The following FAM3D variants were observed in gnomAD, a reference collection of about 807,000 sequenced individuals.
FAM3D encodes protein FAM3D.
Under a neutral mutation model 29.8 loss-of-function variants are expected in FAM3D, and 26 were observed. The ratio of observed to expected loss-of-function variants is 0.87; its 90% CI spans 0.64 to 1.21. The LOEUF (loss-of-function observed/expected upper bound fraction) is 1.21, where lower values mean the gene tolerates loss of function less well. Among genes scored for constraint, FAM3D ranks in the 50% most tolerant of loss-of-function variants. The pLI is 0.00. For synonymous variants in FAM3D, 115 were observed against 102.3 expected (o/e 1.12, Z -0.75); for missense variants, 253 against 290.9 (o/e 0.87, Z 0.95).
intron 6 of FAM3D, among the ~76,000 whole-genome samples, chr3:58,642,040 G>C (rs938024075): frequency 1.3e-5 from 2 of 152,134 alleles, no homozygotes; most frequent in Admixed American, 6.5e-5. Flanking sequence ...AGTCTTCTGG[G>C]GTCTGGCATG....
intron 3 of FAM3D, among the ~76,000 whole-genome samples, chr3:58,652,189 C>T (rs1220443855): frequency 2.0e-5 from 3 of 152,212 alleles, no homozygotes; most frequent in Non-Finnish European, 2.9e-5. Context: ...CCAAGAGGAA[C>T]TTGGGTGAGT....
intron 3 of FAM3D, 124 bp from the exon 4 acceptor site, chr3:58,649,462 C>T: frequency 8.8e-7 from 1 of 1,130,826 alleles, no homozygotes; most frequent in Non-Finnish European, 1.3e-6. Flanking sequence ...TTGAAATGAA[C>T]TAAAAATGCC....
chr3:58,649,174 G>T, intron 4 of FAM3D, 141 bp downstream of exon 4: 1 of 1,050,530 alleles, frequency 9.5e-7, no homozygotes, highest in East Asian at 2.5e-5. Context: ...GGAGAGGACT[G>T]GGAAGAATCA....
intron 3 of FAM3D, among the ~76,000 whole-genome samples, chr3:58,652,726 C>T (rs1447923494): frequency 6.6e-6 from 1 of 152,104 alleles, no homozygotes; most frequent in East Asian, 1.9e-4. Context: ...CCCACTCATT[C>T]ATTCGCCCAT....
At chr3:58,650,811 G>A (rs1004333215) in intron 3 of FAM3D, among the ~76,000 whole-genome samples, 7 of 152,076 alleles carry the variant, frequency 4.6e-5, no homozygotes, top group Admixed American at 3.9e-4. Flanking sequence ...TCCGCCTCCC[G>A]GGTTCACGCC....
At chr3:58,650,528 C>A (rs1297704907) in intron 3 of FAM3D, among the ~76,000 whole-genome samples, 1 of 152,062 alleles carries the variant, frequency 6.6e-6, no homozygotes, top group Non-Finnish European at 1.5e-5. Context: ...AGGCCCTAAT[C>A]TGTTGAGGTC....
intron 3 of FAM3D, among the ~76,000 whole-genome samples, chr3:58,650,353 C>T (rs1173128873): frequency 1.3e-5 from 2 of 152,154 alleles, no homozygotes; most frequent in African/African-American, 2.4e-5. Context: ...TCTCTGGAGA[C>T]AGAGCCCTTC....
chr3:58,652,494 TTCCC>T (rs1479685625), intron 3 of FAM3D, among the ~76,000 whole-genome samples: 4 of 114,378 alleles, frequency 3.5e-5, no homozygotes, highest in Non-Finnish European at 7.3e-5. Context: ...CCATCCACCC[TTCCC>T]TCCATCTACC....
chr3:58,653,790 C>A lies in FAM3D; in HGVS notation c.14-9G>T, dbSNP rs749230899. 7.5e-5 allele frequency: 120 copies of A among 1,609,842 alleles called. No individual in the cohort carries two copies. The highest frequency in any genetic ancestry group is 3.3e-5 in the Non-Finnish European group (39 of 1,177,320). ...CAGGAGGCGAAGCACACCTGCTGAGCAAGGGGATGCTGCCAGGAGACCACA... is the reference window on the plus strand; with the variant it reads ...CAGGAGGCGAAGCACACCTGCTGAGAAAGGGGATGCTGCCAGGAGACCACA... On this transcript the variant is annotated splice_polypyrimidine_tract_variant and intron_variant, in intron 2 of 9. Transcript: ENST00000358781.
rs962543822 is a variant in FAM3D at position 58,664,709 on chromosome 3, C to T, written c.-39+1867G>A. Among the ~76,000 whole-genome samples the T allele has an allele frequency of 3.9e-5, 6 of 152,364 alleles. No homozygotes were observed. The South Asian group carries it at 1.0e-3, about 26-fold the overall frequency. ...GATTCAAATGCCAAAGGCAGGGTTG[C>T]TCTCCCCACAACCTCTATGTCTTTG... is the stretch of plus-strand genomic sequence containing the variant. On this transcript the variant is annotated intron_variant, in intron 1 of 9. Coordinates refer to ENST00000358781, the MANE Select transcript of FAM3D (RefSeq NM_138805.3).
intron 2 of FAM3D, among the ~76,000 whole-genome samples, chr3:58,654,431 C>G (rs2066731237): frequency 6.6e-6 from 1 of 152,262 alleles, no homozygotes; most frequent in Non-Finnish European, 1.5e-5. Flanking sequence ...GCACACTGGA[C>G]TTGCTGTGCA....
rs988176283 is a variant in FAM3D at position 58,635,464 on chromosome 3, A to T, written c.585+830T>A. Among the ~76,000 whole-genome samples the T allele has an allele frequency of 6.6e-6, 1 of 152,094 alleles. No homozygotes were observed. The highest frequency in any genetic ancestry group is 1.9e-4 in the East Asian group (1 of 5,178). On this transcript the variant is annotated intron_variant, in intron 9 of 9. Transcript: ENST00000358781. The surrounding 1 kb of genome is among the most constrained non-coding windows in gnomAD (Gnocchi z 5.2). ...GCCAGCTGGTTGCAGATGGATGAAG[A>T]TGATGCTGGGCTTCCTGTACTCCCA...
intron 1 of FAM3D, among the ~76,000 whole-genome samples, chr3:58,656,268 C>A (rs557168668): frequency 1.1e-4 from 16 of 152,308 alleles, no homozygotes; most frequent in African/African-American, 3.6e-4. Context: ...ATCCTCACAA[C>A]CCCCATGTTA....
At chr3:58,650,836 A>G (rs12493164) in intron 3 of FAM3D, among the ~76,000 whole-genome samples, 88,600 of 151,826 alleles carry the variant, frequency 0.58, 27,661 homozygotes, top group South Asian at 0.7. Context: ...TCCTGCCTCA[A>G]CCTCCCAAGT....
chr3:58,648,218 C>A (rs1470839350), intron 4 of FAM3D, among the ~76,000 whole-genome samples: 1 of 152,176 alleles, frequency 6.6e-6, no homozygotes, highest in Non-Finnish European at 1.5e-5. Flanking sequence ...CTTCAGGGAG[C>A]TAGGGTTAAG....
In FAM3D at chr3:58,645,519, C is replaced by A; in HGVS notation, c.253G>T (p.Glu85Ter). Residue 85 changes from glutamate to a stop codon, truncating the protein, a stop_gained, in exon 5 of 10, where the codon GAA becomes TAA. Coordinates refer to ENST00000358781, the MANE Select transcript of FAM3D (RefSeq NM_138805.3). LOFTEE classifies it high-confidence loss of function. ...ANVVGPTMCF[E>*]DRMIMSPVKN... ...GTCTTAGGTACTTACATGCGGTCTT[C>A]AAAGCACATAGTAGGGCCCACGACG... is the stretch of plus-strand genomic sequence containing the variant. The A allele has an allele frequency of 6.2e-7, 1 of 1,613,512 alleles. No individual in the cohort carries two copies. Among genetic ancestry groups the A allele is most frequent in the Non-Finnish European group, 8.5e-7 (1 of 1,179,618 alleles).
chr3:58,649,298 G>T lies in FAM3D; in HGVS notation c.145+17C>A. On this transcript the variant is annotated intron_variant, in intron 4 of 9. Coordinates refer to ENST00000358781, the MANE Select transcript of FAM3D (RefSeq NM_138805.3). ...TGGATGAGGTCGGGGGAGGTGTGGGGCTGCACAGATACTCACGGATCTCCT... is the reference window on the plus strand; with the variant it reads ...TGGATGAGGTCGGGGGAGGTGTGGGTCTGCACAGATACTCACGGATCTCCT... 1 of 1,613,310 alleles carries T rather than the reference G, an allele frequency of 6.2e-7. No homozygotes were observed. The highest frequency in any genetic ancestry group is 8.5e-7 in the Non-Finnish European group (1 of 1,179,550).
At chr3:58,658,084 C>A (rs2066858819) in intron 1 of FAM3D, among the ~76,000 whole-genome samples, 1 of 152,142 alleles carries the variant, frequency 6.6e-6, no homozygotes, top group Admixed American at 6.5e-5. Context: ...CTGCAAGCCA[C>A]CCCGTTCCTC....
chr3:58,658,020 G>T (rs2066857769), intron 1 of FAM3D, among the ~76,000 whole-genome samples: 1 of 152,170 alleles, frequency 6.6e-6, no homozygotes, highest in South Asian at 2.1e-4. Context: ...AGTGGCAGTG[G>T]AAAGGGAGGG....
Sources: gnomAD v4.1 joint callset for allele counts (sites outside exome capture counted in the v4.1 genomes callset) on GRCh38, gnomAD v4.1.1 for gene constraint, Gnocchi (gnomAD v3.1) non-coding constraint, MANE v1.5 for transcripts, NCBI Gene and HGNC (gene_info 2026-07-23, HGNC 2026-07-21) for gene names.